ARL8A: variants seen among roughly 807,000 people sequenced by gnomAD.
ARL8A encodes ARF like GTPase 8A.
In ARL8A, 10 loss-of-function variants were observed where a neutral mutation model predicts 31.2. That is an observed-to-expected ratio of 0.32 (90% confidence interval 0.20 to 0.54). The LOEUF is 0.54. Among genes scored for constraint, ARL8A ranks in the 20% least tolerant of loss-of-function variants. The pLI, the probability that ARL8A is intolerant of heterozygous loss-of-function variation, is 0.93. For synonymous variants in ARL8A, 70 were observed against 86.9 expected (o/e 0.81, Z 1.08); for missense variants, 129 against 242.8 (o/e 0.53, Z 3.12).
intron 3 of ARL8A, 73 bp downstream of exon 3, chr1:202,137,892 G>C (rs552074722): frequency 3.3e-6 from 5 of 1,523,142 alleles, no homozygotes; most frequent in Non-Finnish European, 4.5e-6. Flanking sequence ...CTGCGCCTCT[G>C]AGGTCCTCGA....
intron 1 of ARL8A, among the ~76,000 whole-genome samples, chr1:202,140,135 CTT>C (rs148146346): frequency 6.9e-6 from 1 of 145,040 alleles, no homozygotes. Flanking sequence ...CTTTGATTCC[CTT>C]TTTTTTTTTT....
chr1:202,139,389 T>C (rs540137246), intron 1 of ARL8A, among the ~76,000 whole-genome samples: 23 of 152,000 alleles, frequency 1.5e-4, no homozygotes, highest in African/African-American at 5.5e-4. Flanking sequence ...CTGATCAACA[T>C]GGTGAAACCC....
Position 202,134,334 on chromosome 1 carries a change from TG to T in ARL8A, c.*132del. 1 of 813,748 alleles carries T rather than the reference TG, an allele frequency of 1.2e-6. No homozygotes were observed. The highest frequency in any genetic ancestry group is 2.0e-6 in the Non-Finnish European group (1 of 494,132). 50.4% of individuals were successfully genotyped at this position (813,748 alleles called of 1,614,324 possible). A position where few individuals can be genotyped will look rare whatever the true frequency, so the allele number is the denominator to read the frequency against. On this transcript the variant is annotated 3_prime_UTR_variant, in exon 7 of 7. Coordinates refer to ENST00000272217, the MANE Select transcript of ARL8A (RefSeq NM_138795.4). The surrounding 1 kb of genome is among the most constrained non-coding windows in gnomAD (Gnocchi z 4.2). ...TTCAAACCTCAGCAGAACAGGACTC[TG>T]GGGTCCCCAGAGGGCCCTCCTCACA...
rs556469213 is a variant in ARL8A at position 202,134,224 on chromosome 1, G to A, written c.*243C>T. ...GGGCTGCTGGGAGGGAGGCAGGGCT[G>A]GGTGATGGGACAAAGGCAGCGGGGA... On this transcript the variant is annotated 3_prime_UTR_variant, in exon 7 of 7. Transcript: ENST00000272217. The surrounding 1 kb of genome is among the most constrained non-coding windows in gnomAD (Gnocchi z 4.2). The A allele has an allele frequency of 1.6e-4, 88 of 537,368 alleles. 1 individual carries two copies. In the South Asian group the frequency reaches 1.7e-3, roughly 11 times the overall value. The allele number at this position is 537,368 out of a possible 1,614,324, so 33.3% of individuals were successfully genotyped here. A position where few individuals can be genotyped will look rare whatever the true frequency, so the allele number is the denominator to read the frequency against.
intron 3 of ARL8A, among the ~76,000 whole-genome samples, chr1:202,136,411 C>T (rs1655007676): frequency 6.6e-6 from 1 of 152,150 alleles, no homozygotes; most frequent in Admixed American, 6.5e-5. Context: ...TCCCAAGTAA[C>T]TGGGACTACA....
chr1:202,135,296 T>C lies in ARL8A; in HGVS notation c.441-76A>G. On this transcript the variant is annotated intron_variant, in intron 5 of 6. Coordinates refer to ENST00000272217, the MANE Select transcript of ARL8A (RefSeq NM_138795.4). The surrounding 1 kb of genome is among the most constrained non-coding windows in gnomAD (Gnocchi z 5.3). Reference sequence around the variant, plus strand: ...CTGGGGCTAGGGGACAGCGGGGCCTTTTTCTTACCTAAGAGGCTACAAAGG... The same window carrying C: ...CTGGGGCTAGGGGACAGCGGGGCCTCTTTCTTACCTAAGAGGCTACAAAGG... 6.6e-7 allele frequency: 1 copy of C among 1,507,124 alleles called. No homozygotes were observed. Among genetic ancestry groups the C allele is most frequent in the South Asian group, 1.1e-5 (1 of 88,652 alleles). The allele number at this position is 1,507,124 out of a possible 1,614,324, so 93.4% of individuals were successfully genotyped here.
rs1654940917 is a variant in ARL8A at position 202,134,194 on chromosome 1, G to A, written c.*273C>T. ...GGAAAAGCCAGGGGCGGGGGCTGTG[G>A]CCCAGGGCTGCTGGGAGGGAGGCAG... is the stretch of plus-strand genomic sequence containing the variant. On this transcript the variant is annotated 3_prime_UTR_variant, in exon 7 of 7. Transcript: ENST00000272217. The surrounding 1 kb of genome is among the most constrained non-coding windows in gnomAD (Gnocchi z 4.2). The A allele has an allele frequency of 2.0e-6, 1 of 509,604 alleles. No individual in the cohort carries two copies. Among genetic ancestry groups the A allele is most frequent in the African/African-American group, 1.9e-5 (1 of 51,886 alleles). 31.6% of individuals were successfully genotyped at this position (509,604 alleles called of 1,614,324 possible).
intron 3 of ARL8A, among the ~76,000 whole-genome samples, chr1:202,137,363 G>A (rs902469003): frequency 2.0e-5 from 3 of 152,010 alleles, no homozygotes; most frequent in Non-Finnish European, 2.9e-5. Flanking sequence ...AGGGCTGCGC[G>A]CGGTGGCTCA....
At position 202,134,374 on chromosome 1, in the gene ARL8A, G is replaced by A. The variant is rs530011563; in HGVS notation, c.*93C>T. 8 of 1,327,600 alleles carry A rather than the reference G, an allele frequency of 6.0e-6. No individual in the cohort carries two copies. In the East Asian group the frequency reaches 6.9e-5, roughly 11 times the overall value. 82.2% of individuals were successfully genotyped at this position (1,327,600 alleles called of 1,614,324 possible). ...GCCCTCCTCACACTGGGTGAGGAGG[G>A]GTGGGCTTAGGGGGACGACAGGGGT... On this transcript the variant is annotated 3_prime_UTR_variant, in exon 7 of 7. Transcript: ENST00000272217. The surrounding 1 kb of genome is among the most constrained non-coding windows in gnomAD (Gnocchi z 4.2).
intron 3 of ARL8A, among the ~76,000 whole-genome samples, chr1:202,137,509 C>T (rs976583555): frequency 6.6e-5 from 10 of 152,048 alleles, no homozygotes; most frequent in African/African-American, 2.2e-4. Context: ...TGCCTGTAAT[C>T]CCAGCTACTT....
In ARL8A at chr1:202,138,480, C is replaced by T. The variant is rs1655078660; in HGVS notation, c.124-32G>A. On this transcript the variant is annotated intron_variant, in intron 1 of 6. Transcript: ENST00000272217. This position sits in a 1 kb window ranked among gnomAD's most constrained non-coding sequence, Gnocchi z 4.4. Reference sequence around the variant, plus strand: ...AGAAGACTCAGAATGGGAAACAGTGCAAAAATCGATATGCCCCCACCGCAG... The same window carrying T: ...AGAAGACTCAGAATGGGAAACAGTGTAAAAATCGATATGCCCCCACCGCAG... 1 of 1,601,924 alleles carries T rather than the reference C, an allele frequency of 6.2e-7. No individual in the cohort carries two copies. The highest frequency in any genetic ancestry group is 8.6e-7 in the Non-Finnish European group (1 of 1,169,156).
At chr1:202,143,932 C>G (rs1001855884) in intron 1 of ARL8A, among the ~76,000 whole-genome samples, 3 of 152,250 alleles carry the variant, frequency 2.0e-5, no homozygotes, top group Admixed American at 6.5e-5. Flanking sequence ...CTCCCCTCCC[C>G]CTCAATAGGG....
At chr1:202,137,854 T>C (rs1655054267) in intron 3 of ARL8A, 111 bp downstream of exon 3, 2 of 1,213,486 alleles carry the variant, frequency 1.6e-6, no homozygotes, top group East Asian at 2.5e-5. Flanking sequence ...CACTGTGTCA[T>C]GAACCAAGGA....
At position 202,135,836 on chromosome 1, in the gene ARL8A, A is replaced by G. The variant is rs373995676; in HGVS notation, c.279-36T>C. The G allele has an allele frequency of 3.7e-4, 576 of 1,550,606 alleles. No homozygotes were observed. The highest frequency in any genetic ancestry group is 4.9e-4 in the Non-Finnish European group (547 of 1,122,568). On this transcript the variant is annotated intron_variant, in intron 3 of 6. Coordinates refer to ENST00000272217, the MANE Select transcript of ARL8A (RefSeq NM_138795.4). The surrounding 1 kb of genome is among the most constrained non-coding windows in gnomAD (Gnocchi z 5.3). ...AGGCAGGGTGGGGACAAGCATGTTG[A>G]CACCACAGGCTGAGGTGGTGCAAGG...
Position 202,135,135 on chromosome 1 carries a change from C to A in ARL8A, c.511+15G>T, listed in dbSNP as rs1471227356. The A allele has an allele frequency of 1.2e-5, 19 of 1,611,218 alleles. No homozygotes were observed. Among genetic ancestry groups the A allele is most frequent in the Non-Finnish European group, 1.4e-5 (17 of 1,177,386 alleles). ...ATGCCTCTCCCCTCTCCTCCCTTTC[C>A]CCCATCCTACGCACCAATGTTGTCC... is the stretch of plus-strand genomic sequence containing the variant. On this transcript the variant is annotated intron_variant, in intron 6 of 6. Transcript: ENST00000272217. The surrounding 1 kb of genome is among the most constrained non-coding windows in gnomAD (Gnocchi z 5.3).
In ARL8A at chr1:202,144,656, C is replaced by G; in HGVS notation, c.-84G>C. 1.8e-6 allele frequency: 2 copies of G among 1,129,476 alleles called. No homozygotes were observed. The highest frequency in any genetic ancestry group is 2.2e-6 in the Non-Finnish European group (2 of 921,748). The allele number at this position is 1,129,476 out of a possible 1,614,324, so 70.0% of individuals were successfully genotyped here. A position where few individuals can be genotyped will look rare whatever the true frequency, so the allele number is the denominator to read the frequency against. Reference sequence around the variant, plus strand: ...GCTGCGGCCCGGAGCGGCCCCTCCCCGGTACGGCCCGGGTCCCGCGGCTCG... The same window carrying G: ...GCTGCGGCCCGGAGCGGCCCCTCCCGGGTACGGCCCGGGTCCCGCGGCTCG... On this transcript the variant is annotated 5_prime_UTR_variant, in exon 1 of 7. Transcript: ENST00000272217. The surrounding 1 kb of genome is among the most constrained non-coding windows in gnomAD (Gnocchi z 5.2).
chr1:202,141,341 T>C (rs113198592), intron 1 of ARL8A, among the ~76,000 whole-genome samples: 264 of 152,224 alleles, frequency 1.7e-3, no homozygotes, highest in African/African-American at 5.8e-3. Flanking sequence ...GAAAGTTCTT[T>C]ATATTGAGTT....
At position 202,138,049 on chromosome 1, in the gene ARL8A, A is replaced by AGAGGGT; in HGVS notation, c.205-17_205-12dup. ...CCCAATGTCCCAGAGCTGAGCAAGAAGAGGGTGAGATAGCCTCAGTAGTGG... is the reference window on the plus strand; with the variant it reads ...CCCAATGTCCCAGAGCTGAGCAAGAAGAGGGTGAGGGTGAGATAGCCTCAGTAGTGG... On this transcript the variant is annotated splice_polypyrimidine_tract_variant and intron_variant, in intron 2 of 6. Transcript: ENST00000272217. This position sits in a 1 kb window ranked among gnomAD's most constrained non-coding sequence, Gnocchi z 4.4. 6.2e-7 allele frequency: 1 copy of AGAGGGT among 1,614,006 alleles called. No homozygotes were observed. Among genetic ancestry groups the AGAGGGT allele is most frequent in the Non-Finnish European group, 8.5e-7 (1 of 1,180,038 alleles).
chr1:202,139,868 G>A (rs1655120916), intron 1 of ARL8A, among the ~76,000 whole-genome samples: 1 of 151,754 alleles, frequency 6.6e-6, no homozygotes, highest in Non-Finnish European at 1.5e-5. Context: ...GGATGGTCTT[G>A]AACTCCTGAC....
Sources: gnomAD v4.1 joint callset for allele counts (sites outside exome capture counted in the v4.1 genomes callset) on GRCh38, gnomAD v4.1.1 for gene constraint, Gnocchi (gnomAD v3.1) non-coding constraint, MANE v1.5 for transcripts, NCBI Gene and HGNC (gene_info 2026-07-23, HGNC 2026-07-21) for gene names.